Variants in THBS4 observed in about 807,000 individuals in gnomAD.
THBS4 encodes the protein thrombospondin 4.
In THBS4, 90 loss-of-function variants were observed where a neutral mutation model predicts 115.7. That is an observed-to-expected ratio of 0.78 (90% CI 0.66 to 0.93). The LOEUF (loss-of-function observed/expected upper bound fraction) is 0.93. Ranked by LOEUF, THBS4 falls within the 40% of genes least tolerant of loss-of-function variation. The pLI is 0.00. For missense variants in THBS4, 1,087 were observed against 1,232.7 expected (o/e 0.88, Z 1.77); for synonymous variants, 460 against 479.3 (o/e 0.96, Z 0.53).
At chr5:80,046,062 T>C (rs1332887440) in intron 2 of THBS4, among the ~76,000 whole-genome samples, 1 of 152,272 alleles carries the variant, frequency 6.6e-6, no homozygotes, top group African/African-American at 2.4e-5. Context: ...GATAATAAAA[T>C]GGATGTTTTT....
intron 2 of THBS4, among the ~76,000 whole-genome samples, chr5:80,015,250 A>T (rs1211776602): frequency 4.6e-5 from 7 of 152,204 alleles, no homozygotes; most frequent in Non-Finnish European, 1.0e-4. Flanking sequence ...TGGTTTCTTT[A>T]GTACTGAGTT....
At chr5:79,993,728 G>C (rs1021021826) in intron 1 of THBS4, among the ~76,000 whole-genome samples, 1 of 152,170 alleles carries the variant, frequency 6.6e-6, no homozygotes, top group Non-Finnish European at 1.5e-5. Flanking sequence ...CTTAACTTGG[G>C]AGCCACAGTG....
intron 1 of THBS4, among the ~76,000 whole-genome samples, chr5:79,991,751 T>C (rs1166435615): frequency 2.6e-5 from 4 of 152,208 alleles, no homozygotes; most frequent in Admixed American, 6.5e-5. Context: ...GTCAGGTAAA[T>C]TGTGCCCACC....
chr5:80,078,158 T>C lies in THBS4; in HGVS notation c.2196T>C (p.Ala732=). ...NAEVTLTDFR[A]YQTVVLDPEG... is the part of the protein sequence containing the mutation. ...AGGTCACCCTGACCGACTTCAGGGC[T>C]TACCAGACCGTGGTCCTGGATCCTG... Residue 732 remains alanine, a synonymous_variant, in exon 17 of 22, where the codon GCT becomes GCC. Transcript: ENST00000350881. 1 of 1,610,988 alleles carries C rather than the reference T, an allele frequency of 6.2e-7. No homozygotes were observed. The highest frequency in any genetic ancestry group is 2.2e-5 in the East Asian group (1 of 44,750).
chr5:80,035,253 C>G (rs1269889742), upstream of THBS4: 3 of 155,928 alleles, frequency 1.9e-5, no homozygotes, highest in Non-Finnish European at 4.2e-5. This position sits in a 1 kb window ranked among gnomAD's most constrained non-coding sequence, Gnocchi z 4.6. Context: ...CCCAGCTCTT[C>G]CCAGGACAGG....
chr5:80,049,404 C>T (rs888222372), intron 2 of THBS4, among the ~76,000 whole-genome samples: 3 of 152,112 alleles, frequency 2.0e-5, no homozygotes, highest in South Asian at 2.1e-4. Flanking sequence ...GGCGCCACCA[C>T]GCCCACCTAA....
intron 2 of THBS4, among the ~76,000 whole-genome samples, chr5:80,013,768 A>C (rs1041440437): frequency 7.2e-5 from 11 of 152,208 alleles, no homozygotes; most frequent in Admixed American, 3.9e-4. Context: ...CTCGTTTGTA[A>C]AATAGAGATA....
In THBS4 at chr5:80,055,901, G is replaced by A. The variant is rs144875802; in HGVS notation, c.409G>A (p.Gly137Arg). ...ILLRLSNLQR[G>R]AGSLELYLDC... ...CCTGAGGCTGAGCAATTTGCAGCGA[G>A]GGGCCGGCTCCCTAGAGCTCTACCT... is the stretch of plus-strand genomic sequence containing the variant. Residue 137 changes from glycine (G) to arginine (R), a missense_variant, in exon 3 of 22, where the codon GGG becomes AGG. Gly to Arg is a moderately radical substitution (Grantham distance 125, BLOSUM62 -2). Coordinates refer to ENST00000350881, the MANE Select transcript of THBS4 (RefSeq NM_003248.6). 2.7e-5 allele frequency: 43 copies of A among 1,614,122 alleles called. No individual in the cohort carries two copies. The highest frequency in any genetic ancestry group is 3.5e-5 in the Non-Finnish European group (41 of 1,180,046).
intron 2 of THBS4, among the ~76,000 whole-genome samples, chr5:80,044,038 C>G (rs976042612): frequency 6.6e-5 from 10 of 152,320 alleles, no homozygotes; most frequent in African/African-American, 2.4e-4. Context: ...GCTGTCTGCT[C>G]CCTCGACACA....
In THBS4 at chr5:80,065,404, A is replaced by T. The variant is rs769099496; in HGVS notation, c.1126-5A>T. 3 of 1,609,908 alleles carry T rather than the reference A, an allele frequency of 1.9e-6. No individual in the cohort carries two copies. In the South Asian group the frequency reaches 3.3e-5, roughly 18 times the overall value. Reference sequence around the variant, plus strand: ...CTAAACTTTCTTTGAACTTTTCTGCACTAGGTCTGCACTGACATTGATGAG... The same window carrying T: ...CTAAACTTTCTTTGAACTTTTCTGCTCTAGGTCTGCACTGACATTGATGAG... On this transcript the variant is annotated splice_polypyrimidine_tract_variant and splice_region_variant and intron_variant, in intron 8 of 21. Transcript: ENST00000350881.
At chr5:80,045,531 CT>C (rs70982016) in intron 2 of THBS4, among the ~76,000 whole-genome samples, 5,079 of 135,560 alleles carry the variant, frequency 0.037, 86 homozygotes, top group African/African-American at 0.059. Flanking sequence ...TTTATGGAGT[CT>C]TTTTTTTTTT....
chr5:79,994,611 C>A (rs184559728), intron 1 of THBS4, among the ~76,000 whole-genome samples: 1 of 152,246 alleles, frequency 6.6e-6, no homozygotes, highest in East Asian at 1.9e-4. Context: ...TCAAGACAAG[C>A]TTGGACAACA....
rs1004874030 is a variant in THBS4 at position 80,006,461 on chromosome 5, T to A, written n.177+8034T>A. Reference sequence around the variant, plus strand: ...GCTCCTTTTTGCCTTCTGCCATGATTGTGAGGCTTCCCCAGCCATGTGGAA... The same window carrying A: ...GCTCCTTTTTGCCTTCTGCCATGATAGTGAGGCTTCCCCAGCCATGTGGAA... On this transcript the variant is annotated intron_variant and non_coding_transcript_variant, in intron 2 of 3. Transcript: ENST00000510218. 7.2e-5 allele frequency among the ~76,000 whole-genome samples: 11 copies of A among 152,354 alleles called. No homozygotes were observed. In the East Asian group the frequency reaches 1.7e-3, roughly 24 times the overall value.
At chr5:80,047,720 A>G (rs915647265) in intron 2 of THBS4, among the ~76,000 whole-genome samples, 1 of 146,568 alleles carries the variant, frequency 6.8e-6, no homozygotes, top group Admixed American at 7.0e-5. Flanking sequence ...TGCAACTTCC[A>G]CCTCCCAGGT....
intron 2 of THBS4, among the ~76,000 whole-genome samples, chr5:80,050,826 A>G (rs1026376011): frequency 6.6e-6 from 1 of 152,224 alleles, no homozygotes; most frequent in African/African-American, 2.4e-5. Context: ...GAAGCCAGAT[A>G]GAGTCGGTTA....
intron 2 of THBS4, among the ~76,000 whole-genome samples, chr5:80,044,550 G>A (rs1833001281): frequency 6.6e-6 from 1 of 152,050 alleles, no homozygotes; most frequent in South Asian, 2.1e-4. Context: ...AGCCTCCCGA[G>A]TAGCTGGAAC....
chr5:80,056,356 T>A (rs536114014), intron 3 of THBS4, among the ~76,000 whole-genome samples: 23 of 152,316 alleles, frequency 1.5e-4, no homozygotes, highest in Non-Finnish European at 2.6e-4. Context: ...ATTGTAACGT[T>A]GGAAAGGAAG....
At chr5:80,054,143 C>CCTTTT (rs1240182976) in intron 2 of THBS4, among the ~76,000 whole-genome samples, 4 of 146,402 alleles carry the variant, frequency 2.7e-5, no homozygotes, top group African/African-American at 1.0e-4. Flanking sequence ...ACCATGGATA[C>CCTTTT]CTTTTCTTTT....
chr5:79,999,468 G>A (rs1831856280), intron 2 of THBS4, among the ~76,000 whole-genome samples: 1 of 152,144 alleles, frequency 6.6e-6, no homozygotes, highest in African/African-American at 2.4e-5. Flanking sequence ...TTATGGATAT[G>A]ATCCCATTTT....
Sources: gnomAD v4.1 joint callset for allele counts (sites outside exome capture counted in the v4.1 genomes callset) on GRCh38, gnomAD v4.1.1 for gene constraint, Gnocchi (gnomAD v3.1) non-coding constraint, MANE v1.5 for transcripts, NCBI Gene and HGNC (gene_info 2026-07-23, HGNC 2026-07-21) for gene names.